Variants in SLCO4A1 observed in about 807,000 individuals in gnomAD.
The protein encoded by SLCO4A1 is colon organic anion transporter.
In SLCO4A1, 51 loss-of-function variants were observed where a neutral mutation model predicts 64.6. The ratio of observed to expected loss-of-function variants is 0.79; its 90% CI spans 0.63 to 1.00. SLCO4A1 has a LOEUF of 1.00. Among genes scored for constraint, SLCO4A1 ranks in the 50% least tolerant of loss-of-function variants. SLCO4A1 has a pLI of 0.00. For synonymous variants in SLCO4A1, 471 were observed against 444.9 expected (o/e 1.06, Z -0.74); for missense variants, 919 against 980.5 (o/e 0.94, Z 0.84).
At chr20:62,672,430 C>CGTAA (rs1246383737), downstream of SLCO4A1, 4 of 271,474 alleles carry the variant, frequency 1.5e-5, no homozygotes, top group Non-Finnish European at 2.3e-5. Context: ...CAGGCTCCCC[C>CGTAA]GTAAGTCGGC....
In SLCO4A1 at chr20:62,671,942, T is replaced by C. The variant is rs779720784; in HGVS notation, c.*49T>C. 6 of 1,603,028 alleles carry C rather than the reference T, an allele frequency of 3.7e-6. No individual in the cohort carries two copies. In the East Asian group the frequency reaches 1.3e-4, roughly 36 times the overall value. ...ACGGCGGGCACTCAGCATTTCCTGATGACAGAACAGTGCCGTTGGGTGATG... is the reference window on the plus strand; with the variant it reads ...ACGGCGGGCACTCAGCATTTCCTGACGACAGAACAGTGCCGTTGGGTGATG... On this transcript the variant is annotated 3_prime_UTR_variant, in exon 12 of 12. Coordinates refer to ENST00000217159, the MANE Select transcript of SLCO4A1 (RefSeq NM_016354.4).
At chr20:62,688,692 C>T (rs541926650), downstream of SLCO4A1, among the ~76,000 whole-genome samples, 3 of 152,316 alleles carry the variant, frequency 2.0e-5, no homozygotes, top group Admixed American at 6.5e-5. Flanking sequence ...CTGCCACCCA[C>T]TCCAGCAAAC....
rs373715837 is a variant in SLCO4A1, at chr20:62,684,748, G to C, written n.212-693G>C. ...GCCCTGGACACACTCATTCCCGCCA[G>C]GGCGATCAGGGGTCCCCATAACTCA... is the stretch of plus-strand genomic sequence containing the variant. On this transcript the variant is annotated intron_variant and non_coding_transcript_variant, in intron 2 of 2. Transcript: ENST00000466818. Among the ~76,000 whole-genome samples, 12 of 152,026 alleles carry C rather than the reference G, an allele frequency of 7.9e-5. No homozygotes were observed. The East Asian group carries it at 9.6e-4, about 12-fold the overall frequency.
In SLCO4A1 at chr20:62,656,349, C is replaced by A; in HGVS notation, c.-96-10C>A. On this transcript the variant is annotated splice_polypyrimidine_tract_variant and intron_variant, in intron 1 of 11. Transcript: ENST00000217159. ...GACGTGAGCTTGCTAACCAGACATT[C>A]TTCTCACAGGACACACCAGCCCCTC... The A allele has an allele frequency of 1.0e-6, 1 of 972,704 alleles. No individual in the cohort carries two copies. The highest frequency in any genetic ancestry group is 1.5e-6 in the Non-Finnish European group (1 of 677,768). 60.3% of individuals were successfully genotyped at this position (972,704 alleles called of 1,614,324 possible). A position where few individuals can be genotyped will look rare whatever the true frequency, so the allele number is the denominator to read the frequency against.
chr20:62,681,513 TTTA>T (rs1387163012), intron 2 of SLCO4A1, among the ~76,000 whole-genome samples: 2 of 110,004 alleles, frequency 1.8e-5, no homozygotes, highest in African/African-American at 3.6e-5. Flanking sequence ...TGTGCGCGTG[TTTA>T]TTAAGCCGTG....
intron 2 of SLCO4A1, among the ~76,000 whole-genome samples, chr20:62,678,849 A>G (rs1031526791): frequency 6.6e-6 from 1 of 152,190 alleles, no homozygotes; most frequent in African/African-American, 2.4e-5. Flanking sequence ...ACAGCTTCCA[A>G]AAGGCAAAGC....
intron 1 of SLCO4A1, 61 bp downstream of exon 1, chr20:62,642,614 G>C (rs535145502): frequency 8.1e-4 from 136 of 168,066 alleles, no homozygotes; most frequent in African/African-American, 3.0e-3. Context: ...GCTGGCGTAG[G>C]AGCGCGGCAG....
chr20:62,681,524 G>A (rs1020349197), intron 2 of SLCO4A1, among the ~76,000 whole-genome samples: 8 of 82,864 alleles, frequency 9.7e-5, no homozygotes, highest in South Asian at 4.4e-4. Context: ...TTATTAAGCC[G>A]TGTGTACACA....
chr20:62,666,356 G>C, intron 6 of SLCO4A1, 24 bp from the exon 7 acceptor site: 1 of 1,608,646 alleles, frequency 6.2e-7, no homozygotes, highest in African/African-American at 1.3e-5. Context: ...CTGAGTCCCT[G>C]GCTGAATCCC....
In SLCO4A1 at chr20:62,658,749, A is replaced by G. The variant is rs765910363; in HGVS notation, c.869A>G (p.Tyr290Cys). 5.0e-6 allele frequency: 8 copies of G among 1,611,162 alleles called. No homozygotes were observed. The African/African-American group carries it at 8.0e-5, about 16-fold the overall frequency. ...YLIGGALLNI[Y>C]TEMGRRTELT... ...ATTGGAGGTGCCCTGCTGAATATCT[A>G]CACGGAAATGGGCCGACGGTGAGTG... The change falls in exon 3 of 12, where the codon TAC becomes TGC. Residue 290 changes from tyrosine (Y) to cysteine (C), a missense_variant. Coordinates refer to ENST00000217159, the MANE Select transcript of SLCO4A1 (RefSeq NM_016354.4).
intron 1 of SLCO4A1, among the ~76,000 whole-genome samples, chr20:62,654,196 C>T (rs1379167364): frequency 6.6e-6 from 1 of 152,210 alleles, no homozygotes; most frequent in Non-Finnish European, 1.5e-5. Flanking sequence ...CCGTCTCTGT[C>T]TCTGTCTGCA....
At chr20:62,686,396 A>T (rs897158452), downstream of SLCO4A1, among the ~76,000 whole-genome samples, 3 of 152,116 alleles carry the variant, frequency 2.0e-5, no homozygotes, top group African/African-American at 7.2e-5. Context: ...GTTGTGACTG[A>T]GTGTCATGTC....
intron 3 of SLCO4A1, 72 bp from the exon 4 acceptor site, chr20:62,660,340 C>T: frequency 2.6e-6 from 4 of 1,553,250 alleles, no homozygotes; most frequent in Non-Finnish European, 3.5e-6. Context: ...GGGCCAGCAG[C>T]CCCCAGTGTG....
chr20:62,676,331 G>C (rs930789622), downstream of SLCO4A1, among the ~76,000 whole-genome samples: 1 of 152,164 alleles, frequency 6.6e-6, no homozygotes, highest in Non-Finnish European at 1.5e-5. Flanking sequence ...GAGGTGGGAG[G>C]ATCGCCTAAG....
chr20:62,664,779 C>T (rs1302590519), intron 5 of SLCO4A1, 155 bp from the exon 6 acceptor site: 4 of 890,306 alleles, frequency 4.5e-6, no homozygotes, highest in Admixed American at 3.4e-5. Context: ...CAGCAGGTTC[C>T]TCCCACCCTG....
chr20:62,686,529 T>C (rs1037139813), downstream of SLCO4A1, among the ~76,000 whole-genome samples: 2 of 152,228 alleles, frequency 1.3e-5, no homozygotes, highest in African/African-American at 4.8e-5. Context: ...CAGGCCCTCC[T>C]GCTGTTTCTG....
chr20:62,690,049 G>A (rs146503859), downstream of SLCO4A1, among the ~76,000 whole-genome samples: 36 of 152,356 alleles, frequency 2.4e-4, no homozygotes, highest in Admixed American at 4.6e-4. Flanking sequence ...GCAGGTGAAC[G>A]ACCCCAGCCC....
downstream of SLCO4A1, among the ~76,000 whole-genome samples, chr20:62,687,912 A>T (rs1440694987): frequency 6.6e-6 from 1 of 150,672 alleles, no homozygotes; most frequent in Non-Finnish European, 1.5e-5. Context: ...ATCCCCACTC[A>T]CCTCCCGGCC....
At chr20:62,643,517 T>C (rs1980779938) in intron 1 of SLCO4A1, among the ~76,000 whole-genome samples, 1 of 152,268 alleles carries the variant, frequency 6.6e-6, no homozygotes. Flanking sequence ...GGAGCTGCCG[T>C]GGGACCTGGC....
Sources: gnomAD v4.1 joint callset for allele counts (sites outside exome capture counted in the v4.1 genomes callset) on GRCh38, gnomAD v4.1.1 for gene constraint, MANE v1.5 for transcripts, NCBI Gene and HGNC (gene_info 2026-07-23, HGNC 2026-07-21) for gene names.